Variants in ALMS1 observed in about 807,000 individuals in gnomAD.
ALMS1 encodes the protein centrosome-associated protein ALMS1.
In ALMS1, 271 loss-of-function variants were observed where a neutral mutation model predicts 352.2. That is an observed-to-expected ratio of 0.77 (90% CI 0.70 to 0.85). The LOEUF (loss-of-function observed/expected upper bound fraction) is 0.85. ALMS1 is among the 40% of genes least tolerant of loss of function. The probability of loss-of-function intolerance (pLI) is 0.00; values close to 1 mark genes in which losing one functional copy is unlikely to be tolerated. For synonymous variants in ALMS1, 1,865 were observed against 1,761.2 expected, an observed-to-expected ratio of 1.06 and a Z score of -1.48; for missense variants, 5,445 against 4,870.7, an observed-to-expected ratio of 1.12 and a Z score of -3.51.
In ALMS1 at chr2:73,491,216, A is replaced by G; in HGVS notation, c.9257A>G (p.Asp3086Gly). The change falls in exon 10 of 23, where the codon GAC becomes GGC. Residue 3086 changes from aspartate to glycine, a missense_variant. Coordinates refer to ENST00000613296, the MANE Select transcript of ALMS1 (RefSeq NM_001378454.1). ...AGGATGAATAGTGAGTTTAACTTTG[A>G]CTTACATACTGTATCTTCGAGATCA... ...KARMNSEFNFDLHTVSSRSLE... is the reference protein window; with the variant it reads ...KARMNSEFNFGLHTVSSRSLE... The G allele has an allele frequency of 6.2e-7, 1 of 1,614,150 alleles. No homozygotes were observed. Among genetic ancestry groups the G allele is most frequent in the Non-Finnish European group, 8.5e-7 (1 of 1,180,014 alleles).
intron 9 of ALMS1, among the ~76,000 whole-genome samples, chr2:73,480,775 G>A (rs530499574): frequency 3.2e-4 from 49 of 151,256 alleles, no homozygotes; most frequent in African/African-American, 1.1e-3. Flanking sequence ...ATTCTAACTG[G>A]TGTGAGATGG....
Position 73,452,323 on chromosome 2 carries a change from G to T in ALMS1, c.5796G>T (p.Glu1932Asp). 15 of 1,614,060 alleles carry T rather than the reference G, an allele frequency of 9.3e-6. No homozygotes were observed. The highest frequency in any genetic ancestry group is 1.3e-5 in the Non-Finnish European group (15 of 1,179,992). ...CTGGACAAGGTGACCGGAAGACTGA[G>T]ATACCAACAGTACCTTTAAGTTACT... ...VVPGQGDRKTEIPTVPLSYYS... is the reference protein window; with the variant it reads ...VVPGQGDRKTDIPTVPLSYYS... Residue 1932 changes from glutamate (E) to aspartate (D), a missense_variant, in exon 8 of 23, where the codon GAG becomes GAT. By Grantham distance (45) the Glu-to-Asp change is conservative (BLOSUM62 2). Coordinates refer to ENST00000613296, the MANE Select transcript of ALMS1 (RefSeq NM_001378454.1).
chr2:73,542,518 A>G lies in ALMS1; in HGVS notation c.9907+7569A>G, dbSNP rs534662846. Reference sequence around the variant, plus strand: ...AGTGTTGGAAGTTCTGGCCAGGGCAATCAGGCAGGGGAAGGAAATAAAGGG... The same window carrying G: ...AGTGTTGGAAGTTCTGGCCAGGGCAGTCAGGCAGGGGAAGGAAATAAAGGG... On this transcript the variant is annotated intron_variant, in intron 12 of 22. Coordinates refer to ENST00000613296, the MANE Select transcript of ALMS1 (RefSeq NM_001378454.1). 6.6e-5 allele frequency among the ~76,000 whole-genome samples: 10 copies of G among 152,318 alleles called. No homozygotes were observed. The South Asian group carries it at 1.5e-3, about 22-fold the overall frequency.
chr2:73,548,060 G>A (rs1458200070), intron 12 of ALMS1, among the ~76,000 whole-genome samples: 6 of 152,086 alleles, frequency 3.9e-5, no homozygotes, highest in African/African-American at 1.2e-4. Flanking sequence ...AAGCAGATTT[G>A]GGGAAGATGA....
intron 1 of ALMS1, 92 bp from the exon 2 acceptor site, chr2:73,408,530 C>A: frequency 7.1e-7 from 1 of 1,400,510 alleles, no homozygotes; most frequent in Non-Finnish European, 9.9e-7. Context: ...GCTTTATAAA[C>A]TGGGAAGTAT....
chr2:73,563,016 A>G (rs1674697287), intron 15 of ALMS1, among the ~76,000 whole-genome samples: 1 of 152,152 alleles, frequency 6.6e-6, no homozygotes, highest in South Asian at 2.1e-4. Flanking sequence ...TAAATTTGTA[A>G]CAAAAACAAA....
chr2:73,568,853 A>T (rs1313490665), intron 15 of ALMS1, among the ~76,000 whole-genome samples: 1 of 152,120 alleles, frequency 6.6e-6, no homozygotes, highest in African/African-American at 2.4e-5. Flanking sequence ...TAATTCCATT[A>T]TCAGAAGTAA....
chr2:73,582,022 G>A (rs559146739), intron 16 of ALMS1, among the ~76,000 whole-genome samples: 1 of 152,306 alleles, frequency 6.6e-6, no homozygotes, highest in South Asian at 2.1e-4. Flanking sequence ...GATTACAGGC[G>A]TGAGCCACTG....
chr2:73,557,354 G>A lies in ALMS1; in HGVS notation c.10213G>A (p.Asp3405Asn). ...AGAATCTTTGCAGAAAGATACTGCA[G>A]GTAGCTAAACTGGATTGTCTGCGTA... ...EKESLQKDTADSSAAAAAEHS... is the reference protein window; with the variant it reads ...EKESLQKDTANSSAAAAAEHS... Residue 3405 changes from aspartate to asparagine, a missense_variant and splice_region_variant, in exon 14 of 23, where the codon GAT (aspartate) becomes AAT (asparagine). Physicochemically the swap from Asp to Asn is conservative, Grantham distance 23. Transcript: ENST00000613296. 1 of 1,614,034 alleles carries A rather than the reference G, an allele frequency of 6.2e-7. No individual in the cohort carries two copies. The highest frequency in any genetic ancestry group is 2.2e-5 in the East Asian group (1 of 44,854).
chr2:73,386,288 C>A (rs1419566842), intron 1 of ALMS1, 96 bp downstream of exon 1: 4 of 1,403,590 alleles, frequency 2.8e-6, no homozygotes, highest in Non-Finnish European at 2.8e-6. Flanking sequence ...CGCCGCCTGA[C>A]GGAGAAAACG....
chr2:73,606,417 C>G (rs1444697223), intron 21 of ALMS1, among the ~76,000 whole-genome samples: 1 of 152,172 alleles, frequency 6.6e-6, no homozygotes, highest in Non-Finnish European at 1.5e-5. Context: ...GGGGCAGCTA[C>G]TAATACTCTC....
chr2:73,477,466 T>G (rs1028577930), intron 9 of ALMS1, among the ~76,000 whole-genome samples: 1 of 151,992 alleles, frequency 6.6e-6, no homozygotes, highest in South Asian at 2.1e-4. Context: ...TTGGCTGTTC[T>G]GGGTTTATGA....
chr2:73,580,305 T>C (rs1359550264), intron 16 of ALMS1, among the ~76,000 whole-genome samples: 1 of 152,224 alleles, frequency 6.6e-6, no homozygotes, highest in Non-Finnish European at 1.5e-5. Flanking sequence ...TTCACCTATC[T>C]TCAAGTTCAC....
intron 15 of ALMS1, among the ~76,000 whole-genome samples, chr2:73,571,973 T>C (rs540332535): frequency 6.6e-6 from 1 of 152,160 alleles, no homozygotes; most frequent in Non-Finnish European, 1.5e-5. Flanking sequence ...TAAATACATA[T>C]AGCAGTTGCT....
chr2:73,533,813 G>A (rs1411055247), intron 11 of ALMS1, among the ~76,000 whole-genome samples: 7 of 152,258 alleles, frequency 4.6e-5, no homozygotes, highest in East Asian at 1.9e-4. Flanking sequence ...GACTATACAC[G>A]TGCTGTTGGA....
chr2:73,521,606 C>T (rs977814184), intron 11 of ALMS1, among the ~76,000 whole-genome samples: 8 of 147,572 alleles, frequency 5.4e-5, no homozygotes, highest in African/African-American at 1.0e-4. Context: ...AAAAAATAGC[C>T]GGACACTGTG....
rs191728701 is a variant in ALMS1, at chr2:73,605,278, C to A, written c.12362+1974C>A. 1.1e-3 allele frequency among the ~76,000 whole-genome samples: 163 copies of A among 152,250 alleles called. 1 individual carries two copies. The highest frequency in any genetic ancestry group is 3.3e-3 in the African/African-American group (137 of 41,528). ...TATTCACCTCCATGGGCTTGATGAC[C>A]TCTTAGTACTTAGACCTTTCTGACG... On this transcript the variant is annotated intron_variant, in intron 21 of 22. Coordinates refer to ENST00000613296, the MANE Select transcript of ALMS1 (RefSeq NM_001378454.1).
chr2:73,421,056 A>G (rs17009036), intron 3 of ALMS1, among the ~76,000 whole-genome samples: 6,763 of 152,250 alleles, frequency 0.044, 378 homozygotes, highest in African/African-American at 0.11. Context: ...TGTACACTTG[A>G]GAATCATTAA....
At chr2:73,465,921 A>C (rs1237972136) in intron 9 of ALMS1, among the ~76,000 whole-genome samples, 25 of 152,258 alleles carry the variant, frequency 1.6e-4, no homozygotes, top group Admixed American at 1.4e-3. Context: ...AATGCAAATC[A>C]AAACCACAAT....
Sources: allele counts gnomAD v4.1 joint callset (sites outside exome capture counted in the v4.1 genomes callset), GRCh38; gene constraint gnomAD v4.1.1; transcripts MANE v1.5; gene names NCBI Gene and HGNC (gene_info 2026-07-23, HGNC 2026-07-21).